POR: variants seen among roughly 807,000 people sequenced by gnomAD.
POR encodes NADPH--cytochrome P450 reductase.
POR carries 56 observed loss-of-function variants against 84.0 expected under a neutral mutation model. The ratio of observed to expected loss-of-function variants is 0.67; its 90% CI spans 0.54 to 0.83. The LOEUF (loss-of-function observed/expected upper bound fraction) is 0.83, where lower values mean the gene tolerates loss of function less well. Among genes scored for constraint, POR ranks in the 40% least tolerant of loss-of-function variants. The pLI is 0.00. For synonymous variants in POR, 414 were observed against 400.5 expected (o/e 1.03, Z -0.40); for missense variants, 938 against 944.3 (o/e 0.99, Z 0.09).
intron 1 of POR, among the ~76,000 whole-genome samples, chr7:75,950,377 C>T (rs1175121525): frequency 6.6e-6 from 1 of 152,188 alleles, no homozygotes; most frequent in African/African-American, 2.4e-5. Context: ...CATTAGATCT[C>T]TTCTGGAAAA....
Position 75,954,010 on chromosome 7 carries a change from C to T in POR, c.18C>T (p.Asp6=), listed in dbSNP as rs1787568591. The T allele has an allele frequency of 1.9e-6, 3 of 1,600,362 alleles. No homozygotes were observed. Among genetic ancestry groups the T allele is most frequent in the Non-Finnish European group, 2.6e-6 (3 of 1,173,232 alleles). The change falls in exon 2 of 16, where the codon GAC becomes GAT. Residue 6 remains aspartate (D), a synonymous_variant. Transcript: ENST00000461988. ...ACAGTTTCATGATCAACATGGGAGA[C>T]TCCCACGTGGACACCAGCTCCACCG...
chr7:75,928,766 A>G (rs1166286902), intron 1 of POR, among the ~76,000 whole-genome samples: 1 of 152,110 alleles, frequency 6.6e-6, no homozygotes, highest in Non-Finnish European at 1.5e-5. Context: ...CCTCTCATGC[A>G]GGTGTACTGT....
chr7:75,959,807 T>G (rs1554554242), intron 2 of POR, among the ~76,000 whole-genome samples: 1 of 152,182 alleles, frequency 6.6e-6, no homozygotes, highest in Non-Finnish European at 1.5e-5. Flanking sequence ...GGAATTGGAT[T>G]GAATCTGTAT....
intron 4 of POR, 121 bp downstream of exon 4, chr7:75,979,700 C>T (rs1487443111): frequency 1.2e-5 from 16 of 1,386,264 alleles, no homozygotes; most frequent in Admixed American, 1.0e-4. Flanking sequence ...AAGACGTCCT[C>T]GGAAGTTGCC....
intron 2 of POR, among the ~76,000 whole-genome samples, chr7:75,962,839 A>C (rs550781730): frequency 6.6e-6 from 1 of 152,332 alleles, no homozygotes; most frequent in East Asian, 1.9e-4. Context: ...GAATGATAGC[A>C]CCGTGGGCTG....
intron 1 of POR, among the ~76,000 whole-genome samples, chr7:75,917,212 C>T (rs1412184895): frequency 6.6e-6 from 1 of 151,698 alleles, no homozygotes; most frequent in Admixed American, 6.6e-5. Context: ...GGAGTACAGG[C>T]ACGCACCACC....
intron 2 of POR, among the ~76,000 whole-genome samples, chr7:75,958,819 C>A (rs1214087356): frequency 6.6e-6 from 1 of 151,576 alleles, no homozygotes; most frequent in Non-Finnish European, 1.5e-5. Flanking sequence ...ACCCCCCCGC[C>A]ATCTCTACAA....
chr7:75,951,520 C>T (rs1213898707), intron 1 of POR, among the ~76,000 whole-genome samples: 2 of 152,182 alleles, frequency 1.3e-5, no homozygotes, highest in East Asian at 3.9e-4. Flanking sequence ...TGGCCTGTTC[C>T]CAGCAGGTTG....
At chr7:75,963,651 A>G (rs1418175820) in intron 2 of POR, among the ~76,000 whole-genome samples, 1 of 152,186 alleles carries the variant, frequency 6.6e-6, no homozygotes, top group South Asian at 2.1e-4. Flanking sequence ...GAGGAGGGGT[A>G]TCCCCCATTG....
chr7:75,946,601 T>C (rs1315999306), intron 1 of POR, among the ~76,000 whole-genome samples: 1 of 152,160 alleles, frequency 6.6e-6, no homozygotes, highest in Non-Finnish European at 1.5e-5. Context: ...TACCTAATTT[T>C]ACAGATGAGA....
At chr7:75,938,154 C>T (rs1281504814) in intron 1 of POR, among the ~76,000 whole-genome samples, 1 of 152,194 alleles carries the variant, frequency 6.6e-6, no homozygotes, top group East Asian at 1.9e-4. Flanking sequence ...CCTTTCACGT[C>T]ATTGCATCGG....
At chr7:75,985,512 G>A in intron 12 of POR, 67 bp from the exon 13 acceptor site, 1 of 1,450,512 alleles carries the variant, frequency 6.9e-7, no homozygotes, top group Non-Finnish European at 9.1e-7. Context: ...CTGCAGAACG[G>A]GACTTGGGGC....
chr7:75,931,700 T>C (rs1341656434), intron 1 of POR, among the ~76,000 whole-genome samples: 1 of 152,096 alleles, frequency 6.6e-6, no homozygotes, highest in Non-Finnish European at 1.5e-5. Context: ...GACTCTATTT[T>C]CCCTTCTGGC....
At chr7:75,980,529 C>T (rs782336865) in intron 5 of POR, 41 bp downstream of exon 5, 29 of 1,612,496 alleles carry the variant, frequency 1.8e-5, no homozygotes, top group East Asian at 8.9e-5. Flanking sequence ...CGGTGGCCTG[C>T]GGTGCCTCCC....
At chr7:75,962,978 C>T (rs1056119006) in intron 2 of POR, among the ~76,000 whole-genome samples, 4 of 152,170 alleles carry the variant, frequency 2.6e-5, no homozygotes, top group East Asian at 1.9e-4. Flanking sequence ...TTCCTGATTA[C>T]GTCCCCCTGG....
chr7:75,978,565 C>T (rs1554557160), intron 3 of POR, among the ~76,000 whole-genome samples: 1 of 152,124 alleles, frequency 6.6e-6, no homozygotes, highest in Non-Finnish European at 1.5e-5. Context: ...CTCTTGTAGC[C>T]CAGGCTGGAG....
rs72557936 is a variant in POR, at chr7:75,985,193, G to A, written c.1384G>A (p.Ala462Thr). Reference sequence around the variant, plus strand: ...CCTGCAGGCCCGCTACTACTCCATCGCCTCATCCTCCAAGGTGAGGGCCGG... The same window carrying A: ...CCTGCAGGCCCGCTACTACTCCATCACCTCATCCTCCAAGGTGAGGGCCGG... Residue 462 changes from alanine (A) to threonine (T), a missense_variant, in exon 12 of 16, where the codon GCC becomes ACC. Physicochemically the swap from Ala to Thr is moderately conservative, Grantham distance 58. Transcript: ENST00000461988. 95 of 1,594,494 alleles carry A rather than the reference G, an allele frequency of 6.0e-5. No individual in the cohort carries two copies. Among genetic ancestry groups the A allele is most frequent in the East Asian group, 1.8e-4 (8 of 44,732 alleles).
At position 75,985,999 on chromosome 7, in the gene POR, G is replaced by T; in HGVS notation, c.1746G>T (p.Leu582=). ...AGGACTACCTGTACCGGGAGGAGCT[G>T]GCGCAGTTCCACAGGGACGGTGCGC... The change falls in exon 14 of 16, where the codon CTG becomes CTT. Residue 582 remains leucine, a synonymous_variant. Transcript: ENST00000461988. 1 of 1,572,378 alleles carries T rather than the reference G, an allele frequency of 6.4e-7. No individual in the cohort carries two copies. Among genetic ancestry groups the T allele is most frequent in the Non-Finnish European group, 8.6e-7 (1 of 1,160,018 alleles).
chr7:75,918,595 A>G (rs1303373272), intron 1 of POR: 1 of 152,146 alleles, frequency 6.6e-6, no homozygotes, highest in Non-Finnish European at 1.5e-5. Flanking sequence ...AGCGTGACAC[A>G]TAAAAAAGCA....
Sources: gnomAD v4.1 joint callset for allele counts (sites outside exome capture counted in the v4.1 genomes callset) on GRCh38, gnomAD v4.1.1 for gene constraint, MANE v1.5 for transcripts, NCBI Gene and HGNC (gene_info 2026-07-23, HGNC 2026-07-21) for gene names.